VPS8: variants seen among roughly 807,000 people sequenced by gnomAD.
The protein encoded by VPS8 is vacuolar protein sorting-associated protein 8 homolog.
A neutral mutation model predicts 216.4 loss-of-function variants in VPS8; 129 were observed. That is an observed-to-expected ratio of 0.60 (90% CI 0.52 to 0.69). The LOEUF is 0.69. Ranked by LOEUF, VPS8 falls within the 30% of genes least tolerant of loss-of-function variation. The pLI, the probability that VPS8 is intolerant of heterozygous loss-of-function variation, is 0.00. For synonymous variants in VPS8, 571 were observed against 565.4 expected, an observed-to-expected ratio of 1.01 and a Z score of -0.14; for missense variants, 1,531 against 1,683.5, an observed-to-expected ratio of 0.91 and a Z score of 1.59.
chr3:184,823,457 C>G (rs1251168419), intron 1 of VPS8, among the ~76,000 whole-genome samples: 2 of 152,214 alleles, frequency 1.3e-5, no homozygotes, highest in Non-Finnish European at 2.9e-5. Context: ...GAGAAGCTCA[C>G]TGCAGGGCAA....
chr3:184,955,968 A>AC (rs1423708746), intron 36 of VPS8, among the ~76,000 whole-genome samples: 1 of 28 alleles, frequency 0.036, no homozygotes. Context: ...TATAAGATAC[A>AC]AAAAAAAAAA....
At chr3:185,036,365 A>G (rs1200355874) in intron 46 of VPS8, among the ~76,000 whole-genome samples, 2 of 152,186 alleles carry the variant, frequency 1.3e-5, no homozygotes, top group Admixed American at 1.3e-4. Context: ...AAACTATACT[A>G]TAAAGCCACA....
At chr3:184,940,777 A>G (rs1399525694) in intron 36 of VPS8, among the ~76,000 whole-genome samples, 1 of 152,254 alleles carries the variant, frequency 6.6e-6, no homozygotes, top group African/African-American at 2.4e-5. Flanking sequence ...AGCAAACTCA[A>G]GGAGATGATG....
At chr3:184,826,308 T>C in intron 3 of VPS8, 77 bp downstream of exon 3, 1 of 1,104,660 alleles carries the variant, frequency 9.1e-7, no homozygotes, top group Non-Finnish European at 1.3e-6. Context: ...TTATCATACA[T>C]GCACCTAGAT....
rs911349439 is a variant in VPS8 at position 184,989,843 on chromosome 3, C to T, written c.3586-4140C>T. On this transcript the variant is annotated intron_variant, in intron 42 of 47. Transcript: ENST00000625842. ...ATCCCAGCACTTTGGGAGGCCGAGG[C>T]GGGCAGATCACGAGGTCAGGAGATC... 5.3e-5 allele frequency among the ~76,000 whole-genome samples: 8 copies of T among 151,872 alleles called. 1 individual carries two copies. The highest frequency in any genetic ancestry group is 8.8e-5 in the Non-Finnish European group (6 of 67,936).
intron 28 of VPS8, among the ~76,000 whole-genome samples, chr3:184,919,566 TA>T (rs1415174049): frequency 6.6e-6 from 1 of 152,196 alleles, no homozygotes; most frequent in African/African-American, 2.4e-5. Context: ...ATCAGTTACA[TA>T]AAATAAAAGT....
In VPS8 at chr3:184,984,295, CTT is replaced by C. The variant is rs67712263; in HGVS notation, c.3585+1217_3585+1218del. Among the ~76,000 whole-genome samples, 765 of 109,248 alleles carry C rather than the reference CTT, an allele frequency of 7.0e-3. 3 individuals are homozygous for C. The highest frequency in any genetic ancestry group is 7.3e-3 in the Non-Finnish European group (362 of 49,826). The allele number at this position is 109,248 out of a possible 152,430, so 71.7% of individuals were successfully genotyped here. A position where few individuals can be genotyped will look rare whatever the true frequency, so the allele number is the denominator to read the frequency against. Reference sequence around the variant, plus strand: ...ACATGGTATACTATCATTTAGAATACTTTTTTTTTTTTTTTTTGAGACAGTTT... The same window carrying C: ...ACATGGTATACTATCATTTAGAATACTTTTTTTTTTTTTTTGAGACAGTTT... On this transcript the variant is annotated intron_variant, in intron 42 of 47. Transcript: ENST00000625842.
chr3:184,894,814 C>T lies in VPS8; in HGVS notation c.1893C>T (p.Ile631=). The T allele has an allele frequency of 1.2e-6, 2 of 1,610,548 alleles. No individual in the cohort carries two copies. Among genetic ancestry groups the T allele is most frequent in the South Asian group, 1.1e-5 (1 of 90,398 alleles). The change falls in exon 23 of 48, where the codon ATC becomes ATT. Residue 631 remains isoleucine, a synonymous_variant. Coordinates refer to ENST00000625842, the MANE Select transcript of VPS8 (RefSeq NM_001009921.3). ...TTTTAAGTGATAAATTGGTGGGAAT[C>T]ACACCCCAAGTAATGAAAGACTTGA... is the stretch of plus-strand genomic sequence containing the variant. ...PYILSDKLVG[I]TPQVMKDLIV... is the part of the protein sequence containing the mutation.
intron 40 of VPS8, among the ~76,000 whole-genome samples, chr3:184,977,459 A>T (rs1265188751): frequency 1.3e-5 from 2 of 152,044 alleles, no homozygotes. Flanking sequence ...CTTTAGTTTA[A>T]TTAGGTCTCA....
At chr3:184,919,015 A>G (rs910243116) in intron 28 of VPS8, 1 of 152,192 alleles carries the variant, frequency 6.6e-6, no homozygotes, top group African/African-American at 2.4e-5. Context: ...GCAGTAAAGC[A>G]GACTAGTTGA....
chr3:184,871,486 A>G (rs1403680706), intron 21 of VPS8, among the ~76,000 whole-genome samples: 10 of 152,122 alleles, frequency 6.6e-5, no homozygotes, highest in Non-Finnish European at 2.9e-5. Flanking sequence ...CAGATAGCAG[A>G]GTTTAGGCTT....
chr3:184,843,659 A>G (rs1402292945), intron 8 of VPS8, among the ~76,000 whole-genome samples: 2 of 152,216 alleles, frequency 1.3e-5, no homozygotes, highest in Admixed American at 6.5e-5. Flanking sequence ...AATGCATGCA[A>G]AATCCTAGAT....
chr3:184,957,622 T>A, intron 37 of VPS8, 101 bp downstream of exon 37: 6 of 1,354,382 alleles, frequency 4.4e-6, no homozygotes, highest in Non-Finnish European at 5.9e-6. Flanking sequence ...AATTTCTTTT[T>A]TAAACCTTAT....
Position 184,924,607 on chromosome 3 carries a change from C to G in VPS8, c.2455-255C>G, listed in dbSNP as rs535444909. 2.0e-5 allele frequency among the ~76,000 whole-genome samples: 3 copies of G among 152,248 alleles called. No individual in the cohort carries two copies. The South Asian group carries it at 6.2e-4, about 32-fold the overall frequency. ...CTTTGAAATACTACACTTTACATCT[C>G]TACCTCTTTATCAATTCAGGTCTCA... On this transcript the variant is annotated intron_variant, in intron 29 of 47. Coordinates refer to ENST00000625842, the MANE Select transcript of VPS8 (RefSeq NM_001009921.3).
intron 46 of VPS8, among the ~76,000 whole-genome samples, chr3:185,037,761 G>A (rs1759109695): frequency 6.6e-6 from 1 of 151,994 alleles, no homozygotes; most frequent in Admixed American, 6.6e-5. Context: ...TTGTGAATTT[G>A]TTTCAGTTGT....
At chr3:184,843,147 C>T in intron 7 of VPS8, 93 bp from the exon 8 acceptor site, 1 of 919,100 alleles carries the variant, frequency 1.1e-6, no homozygotes, top group African/African-American at 1.7e-5. Flanking sequence ...CACTTATATT[C>T]TTGAAATTTT....
chr3:184,926,745 C>T (rs1296929891), intron 31 of VPS8, 95 bp downstream of exon 31: 1 of 1,228,086 alleles, frequency 8.1e-7, no homozygotes, highest in African/African-American at 1.5e-5. Context: ...ACATGAGGGG[C>T]AATTACTTGT....
At chr3:184,858,311 T>A (rs1488084717) in intron 14 of VPS8, among the ~76,000 whole-genome samples, 1 of 152,184 alleles carries the variant, frequency 6.6e-6, no homozygotes, top group Non-Finnish European at 1.5e-5. Context: ...CAAGGGAACT[T>A]CAAAAAGTTT....
At chr3:184,915,512 G>A (rs1224239971) in intron 28 of VPS8, 38 bp downstream of exon 28, 1 of 1,597,730 alleles carries the variant, frequency 6.3e-7, no homozygotes, top group Non-Finnish European at 8.5e-7. Context: ...TTTCAAAGAA[G>A]ACAGAGCAAT....
Sources: allele counts gnomAD v4.1 joint callset (sites outside exome capture counted in the v4.1 genomes callset), GRCh38; gene constraint gnomAD v4.1.1; transcripts MANE v1.5; gene names NCBI Gene and HGNC (gene_info 2026-07-23, HGNC 2026-07-21).